RBAK: variants seen among roughly 807,000 people sequenced by gnomAD.
The protein encoded by RBAK is RB-associated KRAB zinc finger protein.
Under a neutral mutation model 65.8 loss-of-function variants are expected in RBAK, and 39 were observed. The ratio of observed to expected loss-of-function variants is 0.59; its 90% CI spans 0.46 to 0.77. The LOEUF is 0.77. Ranked by LOEUF, RBAK falls within the 30% of genes least tolerant of loss-of-function variation. RBAK has a pLI of 0.00. For synonymous variants in RBAK, 343 were observed against 289.7 expected (o/e 1.18, Z -1.87); for missense variants, 884 against 855.1 (o/e 1.03, Z -0.42).
intron 4 of RBAK, among the ~76,000 whole-genome samples, chr7:5,063,316 G>T (rs1435654094): frequency 1.3e-5 from 2 of 152,116 alleles, no homozygotes; most frequent in Non-Finnish European, 2.9e-5. Context: ...TCTTTGCCTG[G>T]ATCTGACGTA....
At chr7:5,049,522 G>A (rs1160789537) in intron 2 of RBAK, among the ~76,000 whole-genome samples, 2 of 152,128 alleles carry the variant, frequency 1.3e-5, no homozygotes, top group Non-Finnish European at 2.9e-5. Flanking sequence ...AAGATTACCA[G>A]TGATTTCATT....
chr7:5,069,028 G>A lies in RBAK; in HGVS notation c.*3427G>A, dbSNP rs1335971483. On this transcript the variant is annotated 3_prime_UTR_variant, in exon 5 of 5. Transcript: ENST00000396912. ...GTTAGCCTTGGCCAAGGCTGAAAGG[G>A]GGCATTTATCTGGTGCTGGGAATAA... 3.9e-5 allele frequency: 6 copies of A among 152,180 alleles called. No homozygotes were observed. The highest frequency in any genetic ancestry group is 8.8e-5 in the Non-Finnish European group (6 of 68,032). The allele number at this position is 152,180 out of a possible 1,614,324, so 9.4% of individuals were successfully genotyped here.
intron 2 of RBAK, 86 bp from the exon 3 acceptor site, chr7:5,057,208 TG>T: frequency 6.3e-7 from 1 of 1,598,700 alleles, no homozygotes; most frequent in Non-Finnish European, 8.5e-7. Context: ...ACAATGTTTA[TG>T]GTTAACTTTA....
chr7:5,062,642 A>G (rs1246702738), intron 4 of RBAK, among the ~76,000 whole-genome samples: 2 of 152,226 alleles, frequency 1.3e-5, no homozygotes, highest in Non-Finnish European at 2.9e-5. Flanking sequence ...TTTATTAGGC[A>G]GTAATTTCCT....
At chr7:5,054,804 G>T (rs1173860684) in intron 2 of RBAK, among the ~76,000 whole-genome samples, 1 of 152,046 alleles carries the variant, frequency 6.6e-6, no homozygotes, top group Non-Finnish European at 1.5e-5. Flanking sequence ...CACCTCATAT[G>T]AACTGTAGTG....
rs73673278 is a variant in RBAK, at chr7:5,058,624, T to A, written c.238+845T>A. Among the ~76,000 whole-genome samples, 951 of 152,306 alleles carry A rather than the reference T, an allele frequency of 6.2e-3. 15 individuals are homozygous for A. The highest frequency in any genetic ancestry group is 0.022 in the African/African-American group (907 of 41,564). On this transcript the variant is annotated intron_variant, in intron 4 of 4. Transcript: ENST00000396912. ...TCCCAAAGTCCATGCTCAGTTGATG[T>A]GACGCTATAGCACTCCCTCAGCCTT...
intron 2 of RBAK, among the ~76,000 whole-genome samples, chr7:5,049,088 A>G (rs1423189188): frequency 6.6e-6 from 1 of 152,246 alleles, no homozygotes; most frequent in East Asian, 1.9e-4. Flanking sequence ...GGAGAAACCA[A>G]CTTTGTTACT....
At chr7:5,057,940 A>G (rs2115037030) in intron 4 of RBAK, among the ~76,000 whole-genome samples, 161 bp downstream of exon 4, 2 of 152,286 alleles carry the variant, frequency 1.3e-5, no homozygotes, top group South Asian at 4.1e-4. Flanking sequence ...TGTTGATTTT[A>G]CATTTGATTT....
chr7:5,053,456 G>C (rs1788159000), intron 2 of RBAK, among the ~76,000 whole-genome samples: 1 of 151,866 alleles, frequency 6.6e-6, no homozygotes, highest in Non-Finnish European at 1.5e-5. Context: ...AATATGTCAT[G>C]GTATCATTTT....
rs1037439035 is a variant in RBAK at position 5,047,601 on chromosome 7, C to CTTTT, written c.-44-409_-44-406dup. ...TTCGCCTATCACTCTTTTTCACTCT[C>CTTTT]TTTTTTTTTTTTTTTTTTTTTTTTT... On this transcript the variant is annotated intron_variant, in intron 1 of 4. Coordinates refer to ENST00000396912, the MANE Select transcript of RBAK (RefSeq NM_021163.4). 5.6e-4 allele frequency among the ~76,000 whole-genome samples: 57 copies of CTTTT among 100,916 alleles called. 3 individuals are homozygous for CTTTT. The highest frequency in any genetic ancestry group is 9.3e-4 in the African/African-American group (23 of 24,650). The allele number at this position is 100,916 out of a possible 152,430, so 66.2% of individuals were successfully genotyped here.
chr7:5,056,006 A>G (rs746740356), intron 2 of RBAK, among the ~76,000 whole-genome samples: 2 of 151,934 alleles, frequency 1.3e-5, no homozygotes, highest in Non-Finnish European at 2.9e-5. Flanking sequence ...TTTCTAAACT[A>G]CAAGTTTGGG....
At position 5,065,409 on chromosome 7, in the gene RBAK, T is replaced by C. The variant is rs1239459366; in HGVS notation, c.1953T>C (p.Tyr651=). ...HYRSHSGEKP[Y]ECNECGKVFS... ...GAAGCCATTCAGGAGAGAAACCCTA[T>C]GAATGTAATGAATGTGGGAAAGTCT... The change falls in exon 5 of 5, where the codon TAT becomes TAC. Residue 651 remains tyrosine, a synonymous_variant. Transcript: ENST00000396912. This position sits in a 1 kb window ranked among gnomAD's most constrained non-coding sequence, Gnocchi z 5.3. The C allele has an allele frequency of 5.0e-6, 8 of 1,613,954 alleles. No individual in the cohort carries two copies. The highest frequency in any genetic ancestry group is 6.8e-6 in the Non-Finnish European group (8 of 1,179,886).
chr7:5,065,163 T>C lies in RBAK; in HGVS notation c.1707T>C (p.Cys569=). The C allele has an allele frequency of 6.2e-7, 1 of 1,613,850 alleles. No individual in the cohort carries two copies. The highest frequency in any genetic ancestry group is 1.1e-5 in the South Asian group (1 of 91,034). The change falls in exon 5 of 5, where the codon TGT becomes TGC. Residue 569 remains cysteine, a synonymous_variant. Transcript: ENST00000396912. The surrounding 1 kb of genome is among the most constrained non-coding windows in gnomAD (Gnocchi z 5.3). ...RSHSEEKPYG[C]SECGKTFSHN... ...ATTCAGAAGAGAAACCTTATGGATGTAGCGAATGTGGGAAAACCTTTTCCC... is the reference window on the plus strand; with the variant it reads ...ATTCAGAAGAGAAACCTTATGGATGCAGCGAATGTGGGAAAACCTTTTCCC...
At chr7:5,055,769 C>T (rs1308998068) in intron 2 of RBAK, among the ~76,000 whole-genome samples, 1 of 151,876 alleles carries the variant, frequency 6.6e-6, no homozygotes, top group East Asian at 1.9e-4. Context: ...ACTAACTTAA[C>T]CCAGAAGGTT....
chr7:5,056,970 G>A (rs1278741484), intron 2 of RBAK: 2 of 152,706 alleles, frequency 1.3e-5, no homozygotes, highest in Non-Finnish European at 2.9e-5. Context: ...AGCAGGCATG[G>A]TGTTTCACTC....
chr7:5,055,770 C>G (rs939166298), intron 2 of RBAK, among the ~76,000 whole-genome samples: 2 of 151,782 alleles, frequency 1.3e-5, no homozygotes, highest in Non-Finnish European at 2.9e-5. Flanking sequence ...CTAACTTAAC[C>G]CAGAAGGTTA....
At chr7:5,061,892 C>G (rs1012478427) in intron 4 of RBAK, among the ~76,000 whole-genome samples, 19 of 147,530 alleles carry the variant, frequency 1.3e-4, no homozygotes, top group African/African-American at 4.9e-4. Flanking sequence ...AGCGAGACTC[C>G]ATCTACAAAA....
chr7:5,052,833 C>T (rs560810444), intron 2 of RBAK, among the ~76,000 whole-genome samples: 2 of 152,152 alleles, frequency 1.3e-5, no homozygotes, highest in Non-Finnish European at 2.9e-5. Context: ...GATCTTGGCT[C>T]ACTGCAACCT....
chr7:5,069,114 T>C lies in RBAK; in HGVS notation c.*3513T>C, dbSNP rs1779290964. On this transcript the variant is annotated 3_prime_UTR_variant, in exon 5 of 5. Coordinates refer to ENST00000396912, the MANE Select transcript of RBAK (RefSeq NM_021163.4). Reference sequence around the variant, plus strand: ...TGTTTTGAGCTGTGCACTTAAGATATGTGTATTTTTCTGCATGTGTGTTAA... The same window carrying C: ...TGTTTTGAGCTGTGCACTTAAGATACGTGTATTTTTCTGCATGTGTGTTAA... 6.6e-6 allele frequency: 1 copy of C among 152,202 alleles called. No homozygotes were observed. Among genetic ancestry groups the C allele is most frequent in the African/African-American group, 2.4e-5 (1 of 41,446 alleles). 9.4% of individuals were successfully genotyped at this position (152,202 alleles called of 1,614,324 possible). A position where few individuals can be genotyped will look rare whatever the true frequency, so the allele number is the denominator to read the frequency against.
Sources: gnomAD v4.1 joint callset for allele counts (sites outside exome capture counted in the v4.1 genomes callset) on GRCh38, gnomAD v4.1.1 for gene constraint, Gnocchi (gnomAD v3.1) non-coding constraint, MANE v1.5 for transcripts, NCBI Gene and HGNC (gene_info 2026-07-23, HGNC 2026-07-21) for gene names.